Variants in USP40 observed in about 807,000 individuals in gnomAD.
USP40 encodes ubiquitin specific peptidase 40, also known as ubiquitin carboxyl-terminal hydrolase 40.
In USP40, 143 loss-of-function variants were observed where a neutral mutation model predicts 166.2. The ratio of observed to expected loss-of-function variants is 0.86; its 90% CI spans 0.75 to 0.99. The LOEUF is 0.99. Among genes scored for constraint, USP40 ranks in the 50% least tolerant of loss-of-function variants. The pLI, the probability that USP40 is intolerant of heterozygous loss-of-function variation, is 0.00. For synonymous variants in USP40, 498 were observed against 524.0 expected (o/e 0.95, Z 0.68); for missense variants, 1,444 against 1,479.7 (o/e 0.98, Z 0.40).
chr2:233,487,996 T>C, intron 28 of USP40: 2 of 667,866 alleles, frequency 3.0e-6, no homozygotes, highest in African/African-American at 1.8e-5. Flanking sequence ...CATCATGGGG[T>C]CAATATGCAC....
chr2:233,514,271 A>G (rs2067027724), intron 18 of USP40, among the ~76,000 whole-genome samples: 1 of 152,192 alleles, frequency 6.6e-6, no homozygotes, highest in South Asian at 2.1e-4. Flanking sequence ...GATAAATGCT[A>G]TGAAGGAAAA....
chr2:233,499,786 A>T (rs530671061), intron 22 of USP40, 93 bp downstream of exon 22: 2 of 1,050,466 alleles, frequency 1.9e-6, no homozygotes, highest in Non-Finnish European at 2.8e-6. Context: ...CACACCCTAT[A>T]AATTTTTTTT....
intron 25 of USP40, among the ~76,000 whole-genome samples, chr2:233,491,513 A>G (rs989017067): frequency 7.2e-5 from 11 of 152,240 alleles, no homozygotes; most frequent in African/African-American, 2.4e-4. Context: ...CTCCTTCCTC[A>G]AAGAGGACTT....
chr2:233,519,171 G>A (rs763906235), intron 18 of USP40, among the ~76,000 whole-genome samples: 3 of 152,178 alleles, frequency 2.0e-5, no homozygotes, highest in Non-Finnish European at 2.9e-5. Context: ...GGATTGTGGT[G>A]ATGGTTATAG....
In USP40 at chr2:233,540,714, A is replaced by G. The variant is rs1339710763; in HGVS notation, c.1118T>C (p.Ile373Thr). ...GTACTTCTTGTTCCAAGATATTCCT[A>G]TCTTTTTCAAAAGTTTCTGGCCCAG... ...DQLGQKLLKK[I>T]GISWNKKYRK... Residue 373 changes from isoleucine to threonine, a missense_variant, in exon 10 of 32, where the codon ATA (isoleucine) becomes ACA (threonine). By Grantham distance (89) the Ile-to-Thr change is moderately conservative. Transcript: ENST00000678225. 1.2e-5 allele frequency: 20 copies of G among 1,613,450 alleles called. No homozygotes were observed. The highest frequency in any genetic ancestry group is 1.5e-5 in the Non-Finnish European group (18 of 1,179,648).
intron 31 of USP40, 74 bp downstream of exon 31, chr2:233,481,129 G>T: frequency 7.1e-7 from 1 of 1,403,292 alleles, no homozygotes; most frequent in Non-Finnish European, 9.8e-7. Flanking sequence ...GTCCCTCTCA[G>T]TTTCCAAGCA....
At chr2:233,478,503 T>C (rs1413028519) in intron 31 of USP40, among the ~76,000 whole-genome samples, 1 of 152,216 alleles carries the variant, frequency 6.6e-6, no homozygotes, top group Non-Finnish European at 1.5e-5. Context: ...TTTACCTACA[T>C]TTTTATTGGA....
At position 233,480,314 on chromosome 2, in the gene USP40, A is replaced by C. The variant is rs2064486920; in HGVS notation, c.3599+889T>G. Among the ~76,000 whole-genome samples the C allele has an allele frequency of 6.6e-6, 1 of 152,224 alleles. No homozygotes were observed. Among genetic ancestry groups the C allele is most frequent in the African/African-American group, 2.4e-5 (1 of 41,448 alleles). Reference sequence around the variant, plus strand: ...GAAATCCACCAGGGCAGAAGCAGTCAGAATAGGACAAAAGGCAGATTTAGG... The same window carrying C: ...GAAATCCACCAGGGCAGAAGCAGTCCGAATAGGACAAAAGGCAGATTTAGG... On this transcript the variant is annotated intron_variant, in intron 31 of 31. Transcript: ENST00000678225. The surrounding 1 kb of genome is among the most constrained non-coding windows in gnomAD (Gnocchi z 4.5).
Position 233,493,399 on chromosome 2 carries a change from C to T in USP40, c.2917+26G>A. Reference sequence around the variant, plus strand: ...TTTACTTCTCTTTATGATGCACTGGCTGCTGAAATCCCATTCTGTTCTCAC... The same window carrying T: ...TTTACTTCTCTTTATGATGCACTGGTTGCTGAAATCCCATTCTGTTCTCAC... On this transcript the variant is annotated intron_variant, in intron 25 of 31. Transcript: ENST00000678225. The surrounding 1 kb of genome is among the most constrained non-coding windows in gnomAD (Gnocchi z 4.7). 1 of 1,613,914 alleles carries T rather than the reference C, an allele frequency of 6.2e-7. No homozygotes were observed. The highest frequency in any genetic ancestry group is 2.2e-5 in the East Asian group (1 of 44,880).
chr2:233,540,053 A>G (rs1575317604), intron 10 of USP40, among the ~76,000 whole-genome samples: 1 of 143,182 alleles, frequency 7.0e-6, no homozygotes, highest in East Asian at 2.4e-4. Flanking sequence ...GGAGCCTGGG[A>G]GGTGGAGGTT....
At chr2:233,532,638 C>T (rs553022949) in intron 11 of USP40, among the ~76,000 whole-genome samples, 10 of 152,116 alleles carry the variant, frequency 6.6e-5, no homozygotes, top group East Asian at 1.9e-4. Context: ...ATTCTTTGTT[C>T]GAAATGCCAA....
At position 233,565,414 on chromosome 2, in the gene USP40, A is replaced by C. The variant is rs756200333; in HGVS notation, c.141T>G (p.Gly47=). 1 of 1,537,300 alleles carries C rather than the reference A, an allele frequency of 6.5e-7. No homozygotes were observed. Among genetic ancestry groups the C allele is most frequent in the South Asian group, 1.2e-5 (1 of 84,060 alleles). ...FTNLSGIRNQ[G]GTCYLNSLLQ... Reference sequence around the variant, plus strand: ...GAAGGGAATTGAGGTAACAGGTTCCACCCTGATTTCTGATTCCGCTTAAAT... The same window carrying C: ...GAAGGGAATTGAGGTAACAGGTTCCCCCCTGATTTCTGATTCCGCTTAAAT... The change falls in exon 2 of 32, where the codon GGT becomes GGG. Residue 47 remains glycine, a synonymous_variant. Coordinates refer to ENST00000678225, the MANE Select transcript of USP40 (RefSeq NM_001365479.2).
chr2:233,502,876 A>C (rs573031821), intron 21 of USP40, among the ~76,000 whole-genome samples: 5 of 152,088 alleles, frequency 3.3e-5, no homozygotes, highest in Non-Finnish European at 7.4e-5. Context: ...CTATAGGAAA[A>C]AGCTCCTCCC....
At chr2:233,514,635 A>G (rs73997640) in intron 18 of USP40, among the ~76,000 whole-genome samples, 2,815 of 152,276 alleles carry the variant, frequency 0.018, 87 homozygotes, top group African/African-American at 0.064. Context: ...GAGTGACAGG[A>G]TCTAATTCAC....
At chr2:233,512,801 C>A in intron 18 of USP40, 179 bp from the exon 19 acceptor site, 1 of 324,330 alleles carries the variant, frequency 3.1e-6, no homozygotes, top group Non-Finnish European at 5.6e-6. Flanking sequence ...AACCAAAAAC[C>A]CCCCAACAAC....
In USP40 at chr2:233,551,499, C is replaced by T; in HGVS notation, c.714G>A (p.Leu238=). 1 of 1,598,654 alleles carries T rather than the reference C, an allele frequency of 6.3e-7. No homozygotes were observed. The highest frequency in any genetic ancestry group is 8.5e-7 in the Non-Finnish European group (1 of 1,174,714). Residue 238 remains leucine (L), a synonymous_variant, in exon 7 of 32, where the codon CTG becomes CTA. Transcript: ENST00000678225. ...KAAKSAKLRK[L]PPFLTVSLLR... is the part of the protein sequence containing the mutation. ...GTAATGAAACAGTAAGAAAAGGAGG[C>T]AGCTTACGTAATTTGGCCGACTGTT...
intron 27 of USP40, among the ~76,000 whole-genome samples, chr2:233,488,652 C>T (rs559729975): frequency 4.6e-5 from 7 of 152,296 alleles, no homozygotes; most frequent in East Asian, 3.9e-4. Context: ...CAGTGGCTCA[C>T]GCCAGTAACC....
chr2:233,518,182 T>A (rs1170629455), intron 18 of USP40, among the ~76,000 whole-genome samples: 2 of 85,676 alleles, frequency 2.3e-5, no homozygotes, highest in Non-Finnish European at 4.7e-5. Context: ...ATGGAAAAAA[T>A]AACAATAAAA....
intron 18 of USP40, among the ~76,000 whole-genome samples, chr2:233,517,060 C>T (rs187217700): frequency 2.3e-4 from 35 of 152,060 alleles, no homozygotes; most frequent in African/African-American, 4.3e-4. Flanking sequence ...ATTTTGATGT[C>T]GATTTTGTTG....
Sources: allele counts gnomAD v4.1 joint callset (sites outside exome capture counted in the v4.1 genomes callset), GRCh38; gene constraint gnomAD v4.1.1; non-coding constraint Gnocchi (gnomAD v3.1); transcripts MANE v1.5; gene names NCBI Gene and HGNC (gene_info 2026-07-23, HGNC 2026-07-21).